The following CRLF3 variants were observed in gnomAD, a reference collection of about 807,000 sequenced individuals.
The protein encoded by CRLF3 is cytokine receptor-like factor 3.
Under a neutral mutation model 55.0 loss-of-function variants are expected in CRLF3, and 33 were observed. That is an observed-to-expected ratio of 0.60 (90% confidence interval 0.46 to 0.80). The LOEUF is 0.80. CRLF3 is among the 30% of genes least tolerant of loss of function. The pLI is 0.00. For missense variants in CRLF3, 494 were observed against 538.4 expected (o/e 0.92, Z 0.82); for synonymous variants, 238 against 196.8 (o/e 1.21, Z -1.75).
chr17:30,795,428 G>A (rs1034198152), intron 4 of CRLF3, among the ~76,000 whole-genome samples: 34 of 151,760 alleles, frequency 2.2e-4, no homozygotes, highest in Admixed American at 1.7e-3. Flanking sequence ...CCCGGGAGAC[G>A]GAGGTTGTGG....
intron 1 of CRLF3, among the ~76,000 whole-genome samples, chr17:30,807,450 A>G (rs1050503544): frequency 2.0e-5 from 3 of 151,478 alleles, no homozygotes; most frequent in African/African-American, 7.3e-5. Flanking sequence ...CCCATGCCCA[A>G]GGACTAAAAC....
chr17:30,806,251 G>A (rs1904399426), intron 1 of CRLF3, among the ~76,000 whole-genome samples: 3 of 152,212 alleles, frequency 2.0e-5, no homozygotes, highest in Admixed American at 2.0e-4. Flanking sequence ...TGAAAGAGAA[G>A]AAAAAGCCTC....
intron 1 of CRLF3, among the ~76,000 whole-genome samples, chr17:30,810,142 T>G (rs1219694088): frequency 6.6e-6 from 1 of 152,168 alleles, no homozygotes; most frequent in African/African-American, 2.4e-5. Flanking sequence ...CAAAATAGAT[T>G]TAAGAATACA....
intron 1 of CRLF3, among the ~76,000 whole-genome samples, chr17:30,820,484 T>G (rs1369528232): frequency 6.6e-6 from 1 of 151,430 alleles, no homozygotes; most frequent in African/African-American, 2.4e-5. Flanking sequence ...AGCTCAGGAG[T>G]TAGAAATCGG....
intron 1 of CRLF3, 131 bp downstream of exon 1, chr17:30,824,392 C>T (rs1383999334): frequency 1.0e-6 from 1 of 993,954 alleles, no homozygotes; most frequent in Non-Finnish European, 1.4e-6. Context: ...ATTAGGTCTC[C>T]TTTCAAATGA....
At chr17:30,784,870 T>C in intron 7 of CRLF3, 1 of 161,422 alleles carries the variant, frequency 6.2e-6, no homozygotes, top group Non-Finnish European at 1.4e-5. Context: ...GCAGTTCTCC[T>C]GCCTGAGCCT....
chr17:30,784,359 G>C lies in CRLF3; in HGVS notation c.1157C>G (p.Ala386Gly). The change falls in exon 8 of 8, where the codon GCC becomes GGC. Residue 386 changes from alanine to glycine, a missense_variant. Physicochemically the swap from Ala to Gly is moderately conservative, Grantham distance 60 (BLOSUM62 0). Coordinates refer to ENST00000324238, the MANE Select transcript of CRLF3 (RefSeq NM_015986.4). ...ATTACTGGTGGTTCCTAGAGTCACGGCTTCAATGTCAAACGTGACAGTGGA... is the reference window on the plus strand; with the variant it reads ...ATTACTGGTGGTTCCTAGAGTCACGCCTTCAATGTCAAACGTGACAGTGGA... The part of the protein sequence containing the change: ...SGSTVTFDIE[A>G]VTLGTTSNNE... 1 of 1,613,762 alleles carries C rather than the reference G, an allele frequency of 6.2e-7. No homozygotes were observed. The highest frequency in any genetic ancestry group is 8.5e-7 in the Non-Finnish European group (1 of 1,179,670).
chr17:30,793,134 C>G (rs1012177045), intron 5 of CRLF3, among the ~76,000 whole-genome samples: 1 of 151,386 alleles, frequency 6.6e-6, no homozygotes, highest in Non-Finnish European at 1.5e-5. Context: ...GAGACCTTGT[C>G]TCAAAAAAAC....
intron 1 of CRLF3, among the ~76,000 whole-genome samples, chr17:30,804,915 C>T (rs1300008744): frequency 6.6e-6 from 1 of 152,092 alleles, no homozygotes; most frequent in Non-Finnish European, 1.5e-5. Flanking sequence ...GGGCGCAGTG[C>T]CTCATGCCTG....
At chr17:30,792,055 T>A (rs1971813699) in intron 6 of CRLF3, among the ~76,000 whole-genome samples, 1 of 151,694 alleles carries the variant, frequency 6.6e-6, no homozygotes, top group Non-Finnish European at 1.5e-5. Flanking sequence ...TCCATGTTGC[T>A]CAGGTTGGTC....
At chr17:30,820,331 A>G (rs1904953374) in intron 1 of CRLF3, among the ~76,000 whole-genome samples, 1 of 152,238 alleles carries the variant, frequency 6.6e-6, no homozygotes, top group Non-Finnish European at 1.5e-5. Context: ...ATGTTCATAC[A>G]ACATGATTTC....
intron 6 of CRLF3, chr17:30,786,575 G>A (rs1324939231): frequency 1.3e-5 from 2 of 151,906 alleles, no homozygotes; most frequent in African/African-American, 2.4e-5. Context: ...TTATAAGTGA[G>A]GAAAATGAGG....
intron 2 of CRLF3, among the ~76,000 whole-genome samples, chr17:30,799,798 C>T (rs1338785710): frequency 3.9e-5 from 6 of 152,154 alleles, no homozygotes; most frequent in African/African-American, 1.4e-4. Context: ...AGCCACCGCG[C>T]CCGGCCAGGA....
At chr17:30,795,142 A>G (rs1040781757) in intron 4 of CRLF3, among the ~76,000 whole-genome samples, 10 of 152,184 alleles carry the variant, frequency 6.6e-5, no homozygotes, top group Non-Finnish European at 1.3e-4. Flanking sequence ...CCTGTTAGAA[A>G]ATAACAACAG....
chr17:30,791,791 C>T (rs1381455992), intron 6 of CRLF3, among the ~76,000 whole-genome samples: 5 of 152,034 alleles, frequency 3.3e-5, no homozygotes, highest in East Asian at 1.9e-4. Context: ...GCTGGGATTA[C>T]AAGTGTGAGC....
chr17:30,784,335 T>C lies in CRLF3; in HGVS notation c.1181A>G (p.Asn394Ser), dbSNP rs754286419. Residue 394 changes from asparagine (N) to serine (S), a missense_variant, in exon 8 of 8, where the codon AAT becomes AGT. By Grantham distance (46) the Asn-to-Ser change is conservative. Transcript: ENST00000324238. The stretch of plus-strand genomic sequence containing the variant: ...AAGCTTGAAGTGTCCACCTTCATTA[T>C]TACTGGTGGTTCCTAGAGTCACGGC... ...IEAVTLGTTS[N>S]NEGGHFKLRV... 3.2e-5 allele frequency: 51 copies of C among 1,614,012 alleles called. No homozygotes were observed. The South Asian group carries it at 4.1e-4, about 13-fold the overall frequency.
intron 1 of CRLF3, among the ~76,000 whole-genome samples, chr17:30,814,978 G>A (rs929563335): frequency 3.3e-5 from 5 of 151,832 alleles, no homozygotes; most frequent in Admixed American, 3.3e-4. Flanking sequence ...ACTCCAGCCT[G>A]GGCAACAAGT....
chr17:30,801,964 C>T (rs1972012478), intron 2 of CRLF3, among the ~76,000 whole-genome samples: 1 of 151,834 alleles, frequency 6.6e-6, no homozygotes, highest in African/African-American at 2.4e-5. Context: ...TGAATTGCTT[C>T]AAGCCTCTGT....
At chr17:30,824,154 C>G (rs898602444) in intron 1 of CRLF3, among the ~76,000 whole-genome samples, 1 of 151,908 alleles carries the variant, frequency 6.6e-6, no homozygotes, top group African/African-American at 2.4e-5. Flanking sequence ...AATGCCTCCC[C>G]GCCTACCCAC....
Sources: gnomAD v4.1 joint callset for allele counts (sites outside exome capture counted in the v4.1 genomes callset) on GRCh38, gnomAD v4.1.1 for gene constraint, MANE v1.5 for transcripts, NCBI Gene and HGNC (gene_info 2026-07-23, HGNC 2026-07-21) for gene names.